Variants in GDA observed in about 807,000 individuals in gnomAD.
The protein encoded by GDA is guanine deaminase.
Under a neutral mutation model 59.6 loss-of-function variants are expected in GDA, and 18 were observed. That is an observed-to-expected ratio of 0.30 (90% CI 0.21 to 0.45). The LOEUF (loss-of-function observed/expected upper bound fraction) is 0.45, where lower values mean the gene tolerates loss of function less well. Among genes scored for constraint, GDA ranks in the 20% least tolerant of loss-of-function variants. The pLI is 1.00. For missense variants in GDA, 427 were observed against 552.3 expected (o/e 0.77, Z 2.27); for synonymous variants, 201 against 201.1 (o/e 1.00, Z 0.00).
chr9:72,210,834 C>G (rs1290384382), intron 4 of GDA, 60 bp downstream of exon 4: 17 of 1,034,792 alleles, frequency 1.6e-5, no homozygotes, highest in Admixed American at 1.2e-4. Context: ...ACCATCGTGG[C>G]AAACAACTTA....
intron 1 of GDA, among the ~76,000 whole-genome samples, chr9:72,193,405 C>A (rs1477744648): frequency 6.6e-6 from 1 of 152,266 alleles, no homozygotes; most frequent in Non-Finnish European, 1.5e-5. Flanking sequence ...TGGTCCTGAA[C>A]AAGATCTGGA....
chr9:72,250,923 T>G lies in GDA; in HGVS notation c.*2581T>G. The G allele has an allele frequency of 8.6e-7, 1 of 1,163,092 alleles. No individual in the cohort carries two copies. The highest frequency in any genetic ancestry group is 1.3e-5 in the South Asian group (1 of 77,844). The allele number at this position is 1,163,092 out of a possible 1,614,324, so 72.0% of individuals were successfully genotyped here. On this transcript the variant is annotated 3_prime_UTR_variant, in exon 14 of 14. Coordinates refer to ENST00000358399, the MANE Select transcript of GDA (RefSeq NM_004293.5). ...AGAACACAAAAGCAGGCTAGTCAGCTAAGGTAAATTTCATTTTCAAACGAG... is the reference window on the plus strand; with the variant it reads ...AGAACACAAAAGCAGGCTAGTCAGCGAAGGTAAATTTCATTTTCAAACGAG...
Position 72,249,236 on chromosome 9 carries a change from TGCTGGC to T in GDA, c.*895_*900del. On this transcript the variant is annotated 3_prime_UTR_variant, in exon 14 of 14. Coordinates refer to ENST00000358399, the MANE Select transcript of GDA (RefSeq NM_004293.5). ...TGGAGTCTTCGTGAACTGGGGCAAA[TGCTGGC>T]ATCCAGGAGCCGCCAATACTAACAG... 6 of 985,204 alleles carry T rather than the reference TGCTGGC, an allele frequency of 6.1e-6. No individual in the cohort carries two copies. Among genetic ancestry groups the T allele is most frequent in the Non-Finnish European group, 6.0e-6 (5 of 829,764 alleles). The allele number at this position is 985,204 out of a possible 1,614,324, so 61.0% of individuals were successfully genotyped here. A position where few individuals can be genotyped will look rare whatever the true frequency, so the allele number is the denominator to read the frequency against.
At chr9:72,210,160 G>A (rs1835182044) in intron 3 of GDA, among the ~76,000 whole-genome samples, 1 of 152,054 alleles carries the variant, frequency 6.6e-6, no homozygotes, top group Non-Finnish European at 1.5e-5. Flanking sequence ...CATGTTTTTT[G>A]TCTTCCAAGA....
intron 2 of GDA, among the ~76,000 whole-genome samples, chr9:72,202,216 C>T (rs544326906): frequency 6.6e-6 from 1 of 152,340 alleles, no homozygotes; most frequent in Non-Finnish European, 1.5e-5. Context: ...TTCTTGATCT[C>T]TGACCTACAA....
At chr9:72,160,914 A>T (rs1203996430) in intron 1 of GDA, among the ~76,000 whole-genome samples, 4 of 152,112 alleles carry the variant, frequency 2.6e-5, no homozygotes, top group Non-Finnish European at 2.9e-5. Flanking sequence ...CTCCTCAATG[A>T]GGTCATTGCT....
intron 1 of GDA, among the ~76,000 whole-genome samples, chr9:72,170,591 G>T (rs1449838334): frequency 1.3e-5 from 2 of 152,142 alleles, no homozygotes; most frequent in African/African-American, 2.4e-5. Flanking sequence ...ATATGGGGAG[G>T]CTTACTATTT....
At chr9:72,149,399 C>A (rs1826853977), upstream of GDA, 1 of 688,970 alleles carries the variant, frequency 1.5e-6, no homozygotes, top group Non-Finnish European at 2.3e-6. Flanking sequence ...CCCCTGGGCG[C>A]GGCCTGCAGG....
downstream of GDA, among the ~76,000 whole-genome samples, chr9:72,254,181 ATTAAT>A (rs71357552): frequency 0.062 from 9,367 of 152,252 alleles, 424 homozygotes; most frequent in Middle Eastern, 0.14. Flanking sequence ...TTAAAGTGTA[ATTAAT>A]TTTTTAAACT....
chr9:72,142,348 G>T (rs1224921706), intron 1 of GDA, among the ~76,000 whole-genome samples: 1 of 152,118 alleles, frequency 6.6e-6, no homozygotes, highest in East Asian at 1.9e-4. Context: ...GGGTGCGGTA[G>T]CTCATACCTG....
chr9:72,171,002 T>A (rs1829908260), intron 1 of GDA, among the ~76,000 whole-genome samples: 1 of 152,028 alleles, frequency 6.6e-6, no homozygotes, highest in African/African-American at 2.4e-5. Context: ...TATTTTTTAG[T>A]GACTGGGTTT....
intron 1 of GDA, among the ~76,000 whole-genome samples, chr9:72,167,947 G>C (rs1049440505): frequency 1.3e-5 from 2 of 152,210 alleles, no homozygotes; most frequent in Non-Finnish European, 2.9e-5. Flanking sequence ...ATTTTTACTA[G>C]TGTTGCTGCT....
chr9:72,144,358 G>C (rs551292763), upstream of GDA, among the ~76,000 whole-genome samples: 1 of 152,240 alleles, frequency 6.6e-6, no homozygotes, highest in African/African-American at 2.4e-5. Context: ...CTTAAGATTT[G>C]ACATGTAGTA....
At chr9:72,158,962 G>A (rs545834742) in intron 1 of GDA, among the ~76,000 whole-genome samples, 1 of 152,224 alleles carries the variant, frequency 6.6e-6, no homozygotes, top group Non-Finnish European at 1.5e-5. Flanking sequence ...TGCAGTCACA[G>A]CAAATAAGTG....
At position 72,210,772 on chromosome 9, in the gene GDA, C is replaced by T. The variant is rs372575836; in HGVS notation, c.470C>T (p.Thr157Ile). ...TDSSLLLADI[T>I]DKFGQRAFVG... is the part of the protein sequence containing the mutation. ...TCATCTCTGCTCCTTGCCGACATTA[C>T]AGGTGAGCAAATGAAGCATGATTTA... The change falls in exon 4 of 14, where the codon ACA becomes ATA. Residue 157 changes from threonine to isoleucine, a missense_variant and splice_region_variant. Thr to Ile is a moderately conservative substitution (Grantham distance 89, BLOSUM62 -1). Coordinates refer to ENST00000358399, the MANE Select transcript of GDA (RefSeq NM_004293.5). 1.9e-6 allele frequency: 3 copies of T among 1,594,420 alleles called. No homozygotes were observed. Among genetic ancestry groups the T allele is most frequent in the South Asian group, 1.1e-5 (1 of 90,636 alleles).
chr9:72,202,633 G>A lies in GDA; in HGVS notation c.275G>A (p.Gly92Glu), dbSNP rs753494302. 1 of 1,611,036 alleles carries A rather than the reference G, an allele frequency of 6.2e-7. No homozygotes were observed. The highest frequency in any genetic ancestry group is 8.5e-7 in the Non-Finnish European group (1 of 1,177,198). ...HIHASQYSFA[G>E]SSIDLPLLEW... ...CATGCCTCTCAGTATTCCTTTGCTG[G>A]AAGTAGCATAGACCTGCCACTCTTG... is the stretch of plus-strand genomic sequence containing the variant. The change falls in exon 3 of 14, where the codon GGA (glycine) becomes GAA (glutamate). Residue 92 changes from glycine (G) to glutamate (E), a missense_variant. By Grantham distance (98) the Gly-to-Glu change is moderately conservative. Transcript: ENST00000358399.
upstream of GDA, among the ~76,000 whole-genome samples, chr9:72,148,309 ATGTGTG>A (rs58161772): frequency 0.045 from 6,614 of 145,828 alleles, 168 homozygotes; most frequent in Middle Eastern, 0.095. Flanking sequence ...TGGTGTGTGT[ATGTGTG>A]TGTGTGTGTG....
Position 72,204,812 on chromosome 9 carries a change from A to G in GDA, c.384+2070A>G, listed in dbSNP as rs557420915. On this transcript the variant is annotated intron_variant, in intron 3 of 13. Coordinates refer to ENST00000358399, the MANE Select transcript of GDA (RefSeq NM_004293.5). Reference sequence around the variant, plus strand: ...GAGATTTGTTTAAGTATTTGATGTCAGGCCGAGTGTGATGGTGGTTTAAGT... The same window carrying G: ...GAGATTTGTTTAAGTATTTGATGTCGGGCCGAGTGTGATGGTGGTTTAAGT... 2.0e-5 allele frequency among the ~76,000 whole-genome samples: 3 copies of G among 152,266 alleles called. 1 individual carries two copies. In the South Asian group the frequency reaches 6.2e-4, roughly 32 times the overall value.
At chr9:72,117,725 G>A (rs1236876744) in intron 1 of GDA, among the ~76,000 whole-genome samples, 1 of 152,174 alleles carries the variant, frequency 6.6e-6, no homozygotes, top group African/African-American at 2.4e-5. Context: ...CCCAATCACT[G>A]TGGCAAAATG....
Sources: allele counts gnomAD v4.1 joint callset (sites outside exome capture counted in the v4.1 genomes callset), GRCh38; gene constraint gnomAD v4.1.1; transcripts MANE v1.5; gene names NCBI Gene and HGNC (gene_info 2026-07-23, HGNC 2026-07-21).